Variants in XKR7 observed in about 807,000 individuals in gnomAD.
XKR7 encodes the protein XK related 7.
XKR7 carries 11 observed loss-of-function variants against 42.2 expected under a neutral mutation model. The ratio of observed to expected loss-of-function variants is 0.26; its 90% CI spans 0.16 to 0.43. XKR7 has a LOEUF of 0.43. Ranked by LOEUF, XKR7 falls within the 20% of genes least tolerant of loss-of-function variation. XKR7 has a pLI of 1.00. For synonymous variants in XKR7, 346 were observed against 366.4 expected (o/e 0.94, Z 0.64); for missense variants, 710 against 802.2 (o/e 0.89, Z 1.39).
chr20:31,990,025 A>T (rs1391559711), intron 1 of XKR7, among the ~76,000 whole-genome samples: 1 of 152,130 alleles, frequency 6.6e-6, no homozygotes, highest in Admixed American at 6.5e-5. Context: ...ACTTCATTTC[A>T]AATAGAGTGG....
At chr20:31,989,878 GTT>G (rs1460336752) in intron 1 of XKR7, among the ~76,000 whole-genome samples, 29 of 152,358 alleles carry the variant, frequency 1.9e-4, no homozygotes, top group African/African-American at 6.5e-4. Flanking sequence ...CTCCCAAAAT[GTT>G]GGGATTCCAG....
intron 1 of XKR7, among the ~76,000 whole-genome samples, chr20:31,980,558 G>A (rs1278902262): frequency 6.6e-6 from 1 of 152,136 alleles, no homozygotes; most frequent in African/African-American, 2.4e-5. Flanking sequence ...TGTGACCTTG[G>A]GCAAGTCATT....
intron 1 of XKR7, among the ~76,000 whole-genome samples, chr20:31,975,683 G>T (rs2064481639): frequency 7.1e-6 from 1 of 140,686 alleles, no homozygotes; most frequent in African/African-American, 2.6e-5. Context: ...AAGGCATAAA[G>T]AGATTCCCCT....
rs1489051185 is a variant in XKR7 at position 31,999,048 on chromosome 20, A to G, written c.*1591A>G. 1.1e-5 allele frequency: 1 copy of G among 89,392 alleles called. No individual in the cohort carries two copies. Among genetic ancestry groups the G allele is most frequent in the African/African-American group, 5.4e-5 (1 of 18,610 alleles). 5.5% of individuals were successfully genotyped at this position (89,392 alleles called of 1,614,324 possible). On this transcript the variant is annotated 3_prime_UTR_variant, in exon 3 of 3. Transcript: ENST00000562532. ...CAACCCACCCCCCACCCCCCCACAC[A>G]CACACTCCCACAGCAACTTAGGTGT... is the stretch of plus-strand genomic sequence containing the variant.
Position 31,968,450 on chromosome 20 carries a change from T to A in XKR7, c.275T>A (p.Leu92His). The change falls in exon 1 of 3, where the codon CTC becomes CAC. Residue 92 changes from leucine to histidine, a missense_variant. Transcript: ENST00000562532. The surrounding 1 kb of genome is among the most constrained non-coding windows in gnomAD (Gnocchi z 4.5). ...CAGAATCAACACACCTACTTCAGCCTCACCTTGCTGTTCGTGCTCCTGCCC... is the reference window on the plus strand; with the variant it reads ...CAGAATCAACACACCTACTTCAGCCACACCTTGCTGTTCGTGCTCCTGCCC... The part of the protein sequence containing the change: ...YLQNQHTYFS[L>H]TLLFVLLPSL... 1 of 1,613,984 alleles carries A rather than the reference T, an allele frequency of 6.2e-7. No homozygotes were observed. Among genetic ancestry groups the A allele is most frequent in the Non-Finnish European group, 8.5e-7 (1 of 1,179,904 alleles).
chr20:31,997,144 T>G lies in XKR7; in HGVS notation c.1427T>G (p.Leu476Arg). ...GCCATCACGAGTCCCCCCAGGTCCCTGCCAAGGACTACAGGTGCTGAGCGG... is the reference window on the plus strand; with the variant it reads ...GCCATCACGAGTCCCCCCAGGTCCCGGCCAAGGACTACAGGTGCTGAGCGG... ...ADAITSPPRS[L>R]PRTTGAERDG... is the part of the protein sequence containing the mutation. The change falls in exon 3 of 3, where the codon CTG becomes CGG. Residue 476 changes from leucine (L) to arginine (R), a missense_variant. This residue lies in a region of XKR7 where 708 missense variants were observed against 786.2 expected (regional missense o/e 0.90). Transcript: ENST00000562532. The G allele has an allele frequency of 6.2e-7, 1 of 1,611,954 alleles. No individual in the cohort carries two copies. The highest frequency in any genetic ancestry group is 8.5e-7 in the Non-Finnish European group (1 of 1,180,006).
rs2064611502 is a variant in XKR7 at position 31,999,045 on chromosome 20, C to CT, written c.*1588_*1589insT. On this transcript the variant is annotated 3_prime_UTR_variant, in exon 3 of 3. Transcript: ENST00000562532. ...ACCCAACCCACCCCCCACCCCCCCA[C>CT]ACACACACTCCCACAGCAACTTAGG... The CT allele has an allele frequency of 7.1e-6, 1 of 141,612 alleles. No homozygotes were observed. The highest frequency in any genetic ancestry group is 2.5e-4 in the South Asian group (1 of 3,956). 8.8% of individuals were successfully genotyped at this position (141,612 alleles called of 1,614,324 possible).
Position 31,997,538 on chromosome 20 carries a change from AC to A in XKR7, c.*83del. The stretch of plus-strand genomic sequence containing the variant: ...GTGTTGTGCCCCGAATTTCAGGGCC[AC>A]CAGGCTAAGGGGGAGTGGATCTGTT... On this transcript the variant is annotated 3_prime_UTR_variant, in exon 3 of 3. Transcript: ENST00000562532. 7.5e-7 allele frequency: 1 copy of A among 1,331,462 alleles called. No homozygotes were observed. Among genetic ancestry groups the A allele is most frequent in the Non-Finnish European group, 1.0e-6 (1 of 983,224 alleles). 82.5% of individuals were successfully genotyped at this position (1,331,462 alleles called of 1,614,324 possible). A position where few individuals can be genotyped will look rare whatever the true frequency, so the allele number is the denominator to read the frequency against.
intron 1 of XKR7, among the ~76,000 whole-genome samples, chr20:31,991,728 A>G (rs2122276437): frequency 6.6e-6 from 1 of 152,284 alleles, no homozygotes; most frequent in East Asian, 1.9e-4. Flanking sequence ...AAAATGCCAA[A>G]TTCTTTCAGG....
At chr20:31,989,049 T>A (rs746791958) in intron 1 of XKR7, among the ~76,000 whole-genome samples, 8 of 151,714 alleles carry the variant, frequency 5.3e-5, no homozygotes, top group Non-Finnish European at 7.4e-5. Flanking sequence ...AGTGGGAGAA[T>A]GGAAAATAAA....
rs549439634 is a variant in XKR7, at chr20:31,994,902, A to G, written c.585-166A>G. 7.2e-5 allele frequency among the ~76,000 whole-genome samples: 11 copies of G among 152,316 alleles called. No homozygotes were observed. In the South Asian group the frequency reaches 2.1e-3, roughly 29 times the overall value. ...ATGAGTCCATTCAGTGCTCCTCAAC[A>G]GCAGCCTCATAAGGTGATCCTTTCG... is the stretch of plus-strand genomic sequence containing the variant. On this transcript the variant is annotated intron_variant, in intron 1 of 2. Coordinates refer to ENST00000562532, the MANE Select transcript of XKR7 (RefSeq NM_001011718.2).
intron 1 of XKR7, among the ~76,000 whole-genome samples, chr20:31,987,583 A>G (rs1013522473): frequency 6.6e-6 from 1 of 151,836 alleles, no homozygotes; most frequent in Non-Finnish European, 1.5e-5. Flanking sequence ...CGGCCCCAGT[A>G]TCAAGACACA....
In XKR7 at chr20:32,000,751, G is replaced by A. The variant is rs952882343; in HGVS notation, c.*3294G>A. 4 of 152,426 alleles carry A rather than the reference G, an allele frequency of 2.6e-5. No individual in the cohort carries two copies. Among genetic ancestry groups the A allele is most frequent in the Admixed American group, 6.5e-5 (1 of 15,290 alleles). The allele number at this position is 152,426 out of a possible 1,614,324, so 9.4% of individuals were successfully genotyped here. ...AACTGACCCCCACGCTGTTGACTGT[G>A]TTCCCCAAACCTCTGCAGGCACCAC... On this transcript the variant is annotated 3_prime_UTR_variant, in exon 3 of 3. Coordinates refer to ENST00000562532, the MANE Select transcript of XKR7 (RefSeq NM_001011718.2).
At chr20:31,993,008 G>A (rs2064576189) in intron 1 of XKR7, among the ~76,000 whole-genome samples, 1 of 152,006 alleles carries the variant, frequency 6.6e-6, no homozygotes, top group Non-Finnish European at 1.5e-5. Flanking sequence ...GCTTCACCCT[G>A]GGAATAGACC....
intron 1 of XKR7, among the ~76,000 whole-genome samples, chr20:31,978,606 T>C (rs1200151816): frequency 2.6e-5 from 4 of 152,210 alleles, no homozygotes; most frequent in South Asian, 2.1e-4. Context: ...CACTATCCAA[T>C]ATAGTAGCCA....
chr20:31,987,476 A>G (rs1382819804), intron 1 of XKR7, among the ~76,000 whole-genome samples: 1 of 150,100 alleles, frequency 6.7e-6, no homozygotes, highest in African/African-American at 2.5e-5. Context: ...TATCCAAGGC[A>G]CAGACAGTCC....
intron 1 of XKR7, among the ~76,000 whole-genome samples, chr20:31,973,066 C>T: frequency 6.6e-6 from 1 of 152,170 alleles, no homozygotes; most frequent in East Asian, 1.9e-4. Context: ...TTGTACCCAC[C>T]CGCCTCTTAG....
At position 32,001,414 on chromosome 20, in the gene XKR7, G is replaced by A. The variant is rs893629662; in HGVS notation, c.*3957G>A. ...CACGTGCCACCAGTTTGAGACTTAC[G>A]GTTCAAAATGTTGAGAAGGTTCTGG... On this transcript the variant is annotated 3_prime_UTR_variant, in exon 3 of 3. Coordinates refer to ENST00000562532, the MANE Select transcript of XKR7 (RefSeq NM_001011718.2). 4 of 152,158 alleles carry A rather than the reference G, an allele frequency of 2.6e-5. No individual in the cohort carries two copies. Among genetic ancestry groups the A allele is most frequent in the East Asian group, 3.9e-4 (2 of 5,186 alleles). The allele number at this position is 152,158 out of a possible 1,614,324, so 9.4% of individuals were successfully genotyped here. A position where few individuals can be genotyped will look rare whatever the true frequency, so the allele number is the denominator to read the frequency against.
chr20:31,996,144 T>A (rs181309590), intron 2 of XKR7, among the ~76,000 whole-genome samples: 2 of 150,864 alleles, frequency 1.3e-5, no homozygotes, highest in African/African-American at 4.9e-5. Context: ...CATGACCTCC[T>A]CTTCACCTCC....
Sources: allele counts gnomAD v4.1 joint callset (sites outside exome capture counted in the v4.1 genomes callset), GRCh38; gene constraint gnomAD v4.1.1; regional missense constraint gnomAD v4.1.1; non-coding constraint Gnocchi (gnomAD v3.1); transcripts MANE v1.5; gene names NCBI Gene and HGNC (gene_info 2026-07-23, HGNC 2026-07-21).